The following MAP3K13 variants were observed in gnomAD, a reference collection of about 807,000 sequenced individuals.
The protein encoded by MAP3K13 is mitogen-activated protein kinase kinase kinase 13, also known as leucine zipper-bearing kinase.
Under a neutral mutation model 104.0 loss-of-function variants are expected in MAP3K13, and 52 were observed. The observed-to-expected ratio is 0.50, with a 90% CI of 0.40 to 0.63. The LOEUF (loss-of-function observed/expected upper bound fraction) is 0.63. Ranked by LOEUF, MAP3K13 falls within the 20% of genes least tolerant of loss-of-function variation. The probability of loss-of-function intolerance (pLI) is 0.00; values close to 1 mark genes in which losing one functional copy is unlikely to be tolerated. For missense variants in MAP3K13, 914 were observed against 1,218.5 expected (o/e 0.75, Z 3.72); for synonymous variants, 394 against 442.2 (o/e 0.89, Z 1.37).
At chr3:185,432,860 T>C (rs1473548849) in intron 2 of MAP3K13, among the ~76,000 whole-genome samples, 3 of 152,234 alleles carry the variant, frequency 2.0e-5, no homozygotes, top group African/African-American at 4.8e-5. Context: ...AGCAGGTGCC[T>C]GGCCTTTCAG....
chr3:185,369,831 G>T (rs993288543), intron 1 of MAP3K13, among the ~76,000 whole-genome samples: 3 of 152,140 alleles, frequency 2.0e-5, no homozygotes, highest in Non-Finnish European at 4.4e-5. Flanking sequence ...TTATCTAGAA[G>T]ATTCTTACAC....
intron 2 of MAP3K13, among the ~76,000 whole-genome samples, chr3:185,331,354 C>T (rs1722270502): frequency 6.6e-6 from 1 of 152,104 alleles, no homozygotes. Flanking sequence ...CTTGGCCTCC[C>T]AAAGTGCTGG....
At chr3:185,454,304 T>TATATATGATATATATGAGATATATATC (rs1560116239) in intron 7 of MAP3K13, among the ~76,000 whole-genome samples, 2 of 91,936 alleles carry the variant, frequency 2.2e-5, no homozygotes, top group South Asian at 3.4e-4. Context: ...ATATATATCA[T>TATATATGATATATATGAGATATATATC]ATATATATGA....
chr3:185,448,887 C>T (rs753685926), intron 5 of MAP3K13, among the ~76,000 whole-genome samples: 1 of 152,178 alleles, frequency 6.6e-6, no homozygotes, highest in Non-Finnish European at 1.5e-5. Flanking sequence ...ATAATCTTTG[C>T]TCAGCTTTCT....
At chr3:185,294,617 A>AAATC (rs2108675419) in intron 2 of MAP3K13, among the ~76,000 whole-genome samples, 1 of 152,348 alleles carries the variant, frequency 6.6e-6, no homozygotes, top group African/African-American at 2.4e-5. Context: ...AAGGTTGTAT[A>AAATC]AATCGAGGCT....
chr3:185,295,439 G>A (rs1209823151), intron 2 of MAP3K13, among the ~76,000 whole-genome samples: 2 of 152,082 alleles, frequency 1.3e-5, no homozygotes, highest in African/African-American at 2.4e-5. Context: ...TCCTGACCTC[G>A]TGATCCACCC....
chr3:185,426,374 C>T (rs951114201), intron 1 of MAP3K13, among the ~76,000 whole-genome samples: 2 of 152,132 alleles, frequency 1.3e-5, no homozygotes, highest in African/African-American at 4.8e-5. Context: ...GCTACCACGC[C>T]AGCCAAGGAT....
At chr3:185,413,895 C>T (rs1713593905) in intron 1 of MAP3K13, among the ~76,000 whole-genome samples, 1 of 152,150 alleles carries the variant, frequency 6.6e-6, no homozygotes, top group Non-Finnish European at 1.5e-5. Context: ...TTTTAGAATT[C>T]TCCAATTATC....
In MAP3K13 at chr3:185,375,950, A is replaced by G. The variant is rs566187476; in HGVS notation, c.-86+12582A>G. Among the ~76,000 whole-genome samples the G allele has an allele frequency of 1.6e-3, 240 of 152,308 alleles. 3 individuals are homozygous for G. The highest frequency in any genetic ancestry group is 4.9e-3 in the African/African-American group (202 of 41,552). ...CTTTGCAAGAGTGAGAGCTCAAGTT[A>G]AGGCAGTCAGTTTGGCTTGCTGAGA... On this transcript the variant is annotated intron_variant, in intron 1 of 13. Coordinates refer to ENST00000265026, the MANE Select transcript of MAP3K13 (RefSeq NM_004721.5).
At chr3:185,429,903 A>T (rs926988907) in intron 2 of MAP3K13, among the ~76,000 whole-genome samples, 2 of 152,230 alleles carry the variant, frequency 1.3e-5, no homozygotes, top group Admixed American at 6.5e-5. Flanking sequence ...CACAGCTTTT[A>T]AAAAAAGGAA....
At chr3:185,307,543 C>CAT (rs1553786577) in intron 2 of MAP3K13, among the ~76,000 whole-genome samples, 2 of 48,910 alleles carry the variant, frequency 4.1e-5, no homozygotes, top group African/African-American at 6.7e-5. Flanking sequence ...GGTGCACCAC[C>CAT]CCCTCCCCCG....
intron 7 of MAP3K13, among the ~76,000 whole-genome samples, chr3:185,461,471 TTAAGAA>T (rs1717095478): frequency 6.8e-6 from 1 of 146,282 alleles, no homozygotes; most frequent in Admixed American, 7.1e-5. Context: ...CCACAATTAC[TTAAGAA>T]TAACTACTTA....
At chr3:185,465,008 G>A (rs887261776) in intron 8 of MAP3K13, among the ~76,000 whole-genome samples, 3 of 152,078 alleles carry the variant, frequency 2.0e-5, no homozygotes, top group African/African-American at 7.2e-5. Flanking sequence ...TTTTGAGATA[G>A]TCTCTCTCTG....
intron 2 of MAP3K13, among the ~76,000 whole-genome samples, chr3:185,320,994 C>CAT (rs1480335868): frequency 7.9e-5 from 12 of 151,708 alleles, no homozygotes; most frequent in Admixed American, 2.0e-4. Context: ...TGTGTGCGTG[C>CAT]ATATATACAT....
chr3:185,451,006 C>T (rs568618401), intron 6 of MAP3K13, among the ~76,000 whole-genome samples: 12 of 152,246 alleles, frequency 7.9e-5, no homozygotes, highest in African/African-American at 1.7e-4. Context: ...AGGAGAATGG[C>T]GTGAACCCAG....
At chr3:185,355,076 C>A (rs545514413) in intron 2 of MAP3K13, among the ~76,000 whole-genome samples, 4 of 152,236 alleles carry the variant, frequency 2.6e-5, no homozygotes, top group African/African-American at 7.2e-5. Flanking sequence ...CTGTAAAGTG[C>A]AGTATAAGAT....
chr3:185,301,911 G>A (rs1244046290), intron 2 of MAP3K13, among the ~76,000 whole-genome samples: 1 of 152,142 alleles, frequency 6.6e-6, no homozygotes, highest in Non-Finnish European at 1.5e-5. Flanking sequence ...GAGGCCTTCA[G>A]CTTTTTCTTC....
chr3:185,339,373 G>C (rs941327870), intron 2 of MAP3K13, among the ~76,000 whole-genome samples: 2 of 152,134 alleles, frequency 1.3e-5, no homozygotes, highest in Admixed American at 1.3e-4. Context: ...GAAATAAAAT[G>C]CTATCTCTAG....
chr3:185,340,884 C>T lies in MAP3K13; in HGVS notation c.-86+55241C>T, dbSNP rs146787885. Among the ~76,000 whole-genome samples, 569 of 152,238 alleles carry T rather than the reference C, an allele frequency of 3.7e-3. 6 individuals carry two copies. Among genetic ancestry groups the T allele is most frequent in the African/African-American group, 0.013 (546 of 41,544 alleles). On this transcript the variant is annotated intron_variant, in intron 2 of 14. Coordinates refer to the MAP3K13 transcript ENST00000424227. ...GTTTCCTGAGGCCTCCCCAGCAATG[C>T]GGAACTGTGAGTCAGTTAAACATCT...
Sources: allele counts gnomAD v4.1 joint callset (sites outside exome capture counted in the v4.1 genomes callset), GRCh38; gene constraint gnomAD v4.1.1; transcripts MANE v1.5; gene names NCBI Gene and HGNC (gene_info 2026-07-23, HGNC 2026-07-21).